MAP7D2: variants seen among roughly 807,000 people sequenced by gnomAD.
MAP7D2 encodes MAP7 domain-containing protein 2.
A neutral mutation model predicts 63.5 loss-of-function variants in MAP7D2; 33 were observed. The ratio of observed to expected loss-of-function variants is 0.52; its 90% confidence interval spans 0.39 to 0.70. The LOEUF is 0.70. MAP7D2 is among the 30% of genes least tolerant of loss of function. The pLI, the probability that MAP7D2 is intolerant of heterozygous loss-of-function variation, is 0.00. For synonymous variants in MAP7D2, 224 were observed against 223.7 expected (o/e 1.00, Z -0.01); for missense variants, 626 against 604.0 (o/e 1.04, Z -0.38).
chrX:20,104,996 T>A (rs945151643), intron 1 of MAP7D2, among the ~76,000 whole-genome samples: 6 of 112,108 alleles, frequency 5.4e-5, no homozygotes, highest in Non-Finnish European at 1.1e-4. Flanking sequence ...AATAAGCACA[T>A]CAGCAGAATT....
intron 1 of MAP7D2, among the ~76,000 whole-genome samples, chrX:20,104,717 G>T (rs1290502506): frequency 8.9e-6 from 1 of 111,977 alleles, no homozygotes; most frequent in Non-Finnish European, 1.9e-5. Context: ...TTCATAACAC[G>T]TATCTCCACC....
intron 1 of MAP7D2, among the ~76,000 whole-genome samples, chrX:20,082,130 G>A (rs2065792835): frequency 8.9e-6 from 1 of 112,042 alleles, no homozygotes; most frequent in African/African-American, 3.2e-5. Flanking sequence ...AAGTCATCAG[G>A]GTAGTGCTTA....
At chrX:20,054,649 C>T (rs2065028687) in intron 4 of MAP7D2, among the ~76,000 whole-genome samples, 1 of 110,061 alleles carries the variant, frequency 9.1e-6, no homozygotes, top group Non-Finnish European at 1.9e-5. Context: ...GGCACTGGTA[C>T]GATCTCACTG....
At chrX:20,102,452 A>G (rs1053726717) in intron 1 of MAP7D2, among the ~76,000 whole-genome samples, 5 of 110,818 alleles carry the variant, frequency 4.5e-5, no homozygotes, top group Non-Finnish European at 9.4e-5. Flanking sequence ...GAACATTCTG[A>G]GCGGGAGTGG....
At chrX:20,102,629 C>T (rs2066464217) in intron 1 of MAP7D2, among the ~76,000 whole-genome samples, 1 of 110,598 alleles carries the variant, frequency 9.0e-6, no homozygotes, top group South Asian at 3.9e-4. Context: ...GGGACGGTGA[C>T]CTGGACGGAC....
At chrX:20,062,613 A>C (rs1457037380) in intron 3 of MAP7D2, among the ~76,000 whole-genome samples, 2 of 111,977 alleles carry the variant, frequency 1.8e-5, no homozygotes, top group Admixed American at 1.9e-4. Flanking sequence ...TATATTGTTC[A>C]TACTAAAAGA....
intron 8 of MAP7D2, among the ~76,000 whole-genome samples, chrX:20,039,798 A>T (rs1450918736): frequency 9.0e-6 from 1 of 110,510 alleles, no homozygotes; most frequent in Non-Finnish European, 1.9e-5. Flanking sequence ...CAGGAGATGG[A>T]GACCATCCTG....
chrX:20,035,416 C>G (rs2074191091), intron 8 of MAP7D2, among the ~76,000 whole-genome samples: 1 of 111,932 alleles, frequency 8.9e-6, no homozygotes, highest in Non-Finnish European at 1.9e-5. Flanking sequence ...GCATAGTGAC[C>G]TGCATTCATT....
intron 1 of MAP7D2, among the ~76,000 whole-genome samples, chrX:20,096,536 C>T (rs1225664142): frequency 1.8e-5 from 2 of 108,855 alleles, no homozygotes; most frequent in Non-Finnish European, 3.8e-5. Flanking sequence ...TGAGTCAGTA[C>T]ATTGGATAAA....
chrX:20,012,284 C>A, intron 15 of MAP7D2, 65 bp downstream of exon 15: 2 of 895,487 alleles, frequency 2.2e-6, no homozygotes, highest in Non-Finnish European at 3.0e-6. Context: ...ACGAAGAAAC[C>A]AACTAAAAGA....
intron 1 of MAP7D2, among the ~76,000 whole-genome samples, chrX:20,109,519 CAA>C (rs60683453): frequency 0.23 from 7,458 of 32,315 alleles, 243 homozygotes; most frequent in Non-Finnish European, 0.26. Flanking sequence ...GACTCCGTCT[CAA>C]AAAAAAAAAA....
chrX:20,025,148 C>A (rs1179041814), intron 9 of MAP7D2, 65 bp from the exon 10 acceptor site: 10 of 1,122,021 alleles, frequency 8.9e-6, no homozygotes, highest in Middle Eastern at 3.1e-4. Flanking sequence ...ATTCCACTCA[C>A]ACAGCAGCTG....
chrX:20,044,202 T>C (rs1219155419), intron 7 of MAP7D2, among the ~76,000 whole-genome samples, 162 bp downstream of exon 7: 1 of 112,177 alleles, frequency 8.9e-6, no homozygotes, highest in Non-Finnish European at 1.9e-5. Context: ...TAAATGATTT[T>C]CAAAGGTTGG....
At chrX:20,078,506 C>T (rs780048817) in intron 1 of MAP7D2, among the ~76,000 whole-genome samples, 3 of 112,221 alleles carry the variant, frequency 2.7e-5, no homozygotes, top group East Asian at 2.8e-4. Flanking sequence ...CTGGGAAGCA[C>T]GAAGGATGAT....
chrX:20,096,429 CAAAAA>C (rs775218484), intron 1 of MAP7D2, among the ~76,000 whole-genome samples: 1 of 40,116 alleles, frequency 2.5e-5, no homozygotes. Flanking sequence ...GACCTTGTCT[CAAAAA>C]AAAAAAAAAA....
At chrX:20,064,885 G>T in intron 1 of MAP7D2, 80 bp from the exon 2 acceptor site, 1 of 854,151 alleles carries the variant, frequency 1.2e-6, no homozygotes, top group Non-Finnish European at 1.7e-6. Flanking sequence ...ACTGGGCATG[G>T]CACCCGAGTC....
At chrX:20,037,837 G>A (rs906388059) in intron 8 of MAP7D2, among the ~76,000 whole-genome samples, 2 of 111,746 alleles carry the variant, frequency 1.8e-5, no homozygotes, top group Admixed American at 1.9e-4. Flanking sequence ...GCTCACCAAC[G>A]GGTGACCTCA....
intron 10 of MAP7D2, among the ~76,000 whole-genome samples, chrX:20,019,148 C>A (rs1367129113): frequency 9.0e-6 from 1 of 111,016 alleles, no homozygotes; most frequent in Non-Finnish European, 1.9e-5. Context: ...CACCTCAGCT[C>A]CCAAGTAGCC....
chrX:20,102,313 G>A (rs2066454782), intron 1 of MAP7D2, among the ~76,000 whole-genome samples: 1 of 111,749 alleles, frequency 8.9e-6, no homozygotes, highest in African/African-American at 3.3e-5. Flanking sequence ...TCAGAGAGGA[G>A]GTGAGGTGTG....
Sources: allele counts gnomAD v4.1 joint callset (sites outside exome capture counted in the v4.1 genomes callset), GRCh38; gene constraint gnomAD v4.1.1; transcripts MANE v1.5; gene names NCBI Gene and HGNC (gene_info 2026-07-23, HGNC 2026-07-21).